The following FES variants were observed in gnomAD, a reference collection of about 807,000 sequenced individuals.
FES encodes FES proto-oncogene, tyrosine kinase.
Under a neutral mutation model 109.6 loss-of-function variants are expected in FES, and 83 were observed. The ratio of observed to expected loss-of-function variants is 0.76; its 90% confidence interval spans 0.63 to 0.91. The LOEUF is 0.91. FES is among the 40% of genes least tolerant of loss of function. FES has a pLI of 0.00. For missense variants in FES, 943 were observed against 1,070.9 expected, an observed-to-expected ratio of 0.88 and a Z score of 1.67; for synonymous variants, 458 against 442.1, an observed-to-expected ratio of 1.04 and a Z score of -0.45.
intron 12 of FES, 132 bp downstream of exon 12, chr15:90,891,808 C>T (rs984659857): frequency 2.2e-5 from 30 of 1,346,710 alleles, no homozygotes; most frequent in Admixed American, 4.3e-5. Flanking sequence ...GAGTGAGTGA[C>T]CCTCAGGGCC....
At chr15:90,894,747 CAGAG>C (rs1555432574) in intron 18 of FES, among the ~76,000 whole-genome samples, 32 of 151,056 alleles carry the variant, frequency 2.1e-4, no homozygotes, top group Admixed American at 1.4e-3. Context: ...ACCTGGGTGA[CAGAG>C]AGAGAGAGAG....
In FES at chr15:90,893,318, C is replaced by T. The variant is rs368081376; in HGVS notation, c.1949C>T (p.Thr650Met). ...QGGDFLTFLR[T>M]EGARLRVKTL... ...GGCGACTTCCTGACCTTCCTCCGCA[C>T]GGAGGGGGCCCGCCTGCGGGTGAAG... The change falls in exon 16 of 19, where the codon ACG becomes ATG. Residue 650 changes from threonine to methionine, a missense_variant. Thr to Met is a moderately conservative substitution (Grantham distance 81). Transcript: ENST00000328850. 5.6e-5 allele frequency: 87 copies of T among 1,565,360 alleles called. No individual in the cohort carries two copies. Among genetic ancestry groups the T allele is most frequent in the South Asian group, 4.8e-4 (39 of 81,508 alleles).
intron 18 of FES, among the ~76,000 whole-genome samples, chr15:90,894,984 T>C (rs929257714): frequency 3.3e-5 from 5 of 152,068 alleles, no homozygotes; most frequent in Non-Finnish European, 4.4e-5. Context: ...CAAGAATCGC[T>C]TGAACCTGGG....
intron 5 of FES, among the ~76,000 whole-genome samples, chr15:90,887,647 C>T (rs145197568): frequency 1.4e-4 from 22 of 152,322 alleles, no homozygotes; most frequent in African/African-American, 4.6e-4. Context: ...AACATCTGTC[C>T]TCAGGGATCT....
Position 90,889,876 on chromosome 15 carries a change from C to T in FES, c.963C>T (p.Thr321=), listed in dbSNP as rs746317277. 1.7e-5 allele frequency: 28 copies of T among 1,613,498 alleles called. No homozygotes were observed. The highest frequency in any genetic ancestry group is 4.4e-5 in the South Asian group (4 of 91,060). The change falls in exon 8 of 19, where the codon ACC becomes ACT. Residue 321 remains threonine (T), a synonymous_variant. Transcript: ENST00000328850. This position sits in a 1 kb window ranked among gnomAD's most constrained non-coding sequence, Gnocchi z 6.1. ...TGACAGATGAGCTGGCTGTGGCCAC[C>T]GAGATGGTGTTCAGGCGGCAGGAGA... is the stretch of plus-strand genomic sequence containing the variant. ...TSVTDELAVA[T]EMVFRRQEMV...
At chr15:90,892,977 G>C (rs1303276155) in intron 14 of FES, 123 bp from the exon 15 acceptor site, 6 of 1,328,516 alleles carry the variant, frequency 4.5e-6, no homozygotes, top group Non-Finnish European at 6.3e-6. Context: ...AAGGGTAGAG[G>C]CTGCCCCAGG....
intron 3 of FES, among the ~76,000 whole-genome samples, chr15:90,886,581 G>C (rs2032650871): frequency 6.6e-6 from 1 of 152,164 alleles, no homozygotes; most frequent in Non-Finnish European, 1.5e-5. Flanking sequence ...GAAATTGTGG[G>C]GGTCTTTGTT....
chr15:90,893,162 A>G lies in FES; in HGVS notation c.1889A>G (p.Gln630Arg). 1 of 1,614,058 alleles carries G rather than the reference A, an allele frequency of 6.2e-7. No homozygotes were observed. The highest frequency in any genetic ancestry group is 8.5e-7 in the Non-Finnish European group (1 of 1,179,980). The change falls in exon 15 of 19, where the codon CAG (glutamine) becomes CGG (arginine). Residue 630 changes from glutamine to arginine, a missense_variant. By Grantham distance (43) the Gln-to-Arg change is conservative. Coordinates refer to ENST00000328850, the MANE Select transcript of FES (RefSeq NM_002005.4). ...VRLIGVCTQK[Q>R]PIYIVMELVQ... ...CTCATTGGTGTCTGCACCCAGAAGC[A>G]GCCCATCTACATCGTCATGGAGCTT...
Position 90,894,045 on chromosome 15 carries a change from G to A in FES, c.2313G>A (p.Glu771=). The A allele has an allele frequency of 6.2e-7, 1 of 1,613,826 alleles. No homozygotes were observed. The change falls in exon 18 of 19, where the codon GAG becomes GAA. Residue 771 remains glutamate, a synonymous_variant. Coordinates refer to ENST00000328850, the MANE Select transcript of FES (RefSeq NM_002005.4). ...ACCTCAGCAATCAGCAGACACGGGA[G>A]TTTGTGGAGAAGGGTAAGCACCCTG... is the stretch of plus-strand genomic sequence containing the variant. ...YPNLSNQQTR[E]FVEKGGRLPC...
chr15:90,889,175 T>G lies in FES; in HGVS notation c.669-131T>G. 8.5e-7 allele frequency: 1 copy of G among 1,181,030 alleles called. No individual in the cohort carries two copies. The highest frequency in any genetic ancestry group is 1.5e-5 in the South Asian group (1 of 68,566). The allele number at this position is 1,181,030 out of a possible 1,614,324, so 73.2% of individuals were successfully genotyped here. On this transcript the variant is annotated intron_variant, in intron 5 of 18. Coordinates refer to ENST00000328850, the MANE Select transcript of FES (RefSeq NM_002005.4). This position sits in a 1 kb window ranked among gnomAD's most constrained non-coding sequence, Gnocchi z 6.1. ...GAGAGGTTAAATAATTTGCCTAGAG[T>G]GGCATGGCTAGCTCGAAGTGAGGCA...
At chr15:90,893,246 C>T in intron 15 of FES, 45 bp from the exon 16 acceptor site, 1 of 1,613,060 alleles carries the variant, frequency 6.2e-7, no homozygotes, top group Non-Finnish European at 8.5e-7. Flanking sequence ...GGTCAGGTGG[C>T]AGCCTTACCT....
In FES at chr15:90,894,047, T is replaced by G; in HGVS notation, c.2315T>G (p.Phe772Cys). The change falls in exon 18 of 19, where the codon TTT (phenylalanine) becomes TGT (cysteine). Residue 772 changes from phenylalanine to cysteine, a missense_variant. Phe to Cys is a radical substitution (Grantham distance 205, BLOSUM62 -2). Coordinates refer to ENST00000328850, the MANE Select transcript of FES (RefSeq NM_002005.4). Reference sequence around the variant, plus strand: ...CTCAGCAATCAGCAGACACGGGAGTTTGTGGAGAAGGGTAAGCACCCTGTG... The same window carrying G: ...CTCAGCAATCAGCAGACACGGGAGTGTGTGGAGAAGGGTAAGCACCCTGTG... The part of the protein sequence containing the change: ...PNLSNQQTRE[F>C]VEKGGRLPCP... The G allele has an allele frequency of 6.2e-7, 1 of 1,613,760 alleles. No individual in the cohort carries two copies. Among genetic ancestry groups the G allele is most frequent in the South Asian group, 1.1e-5 (1 of 91,082 alleles).
chr15:90,890,072 C>A lies in FES; in HGVS notation c.1050-20C>A. 6.5e-7 allele frequency: 1 copy of A among 1,536,018 alleles called. No individual in the cohort carries two copies. Among genetic ancestry groups the A allele is most frequent in the South Asian group, 1.2e-5 (1 of 84,632 alleles). ...CGAGCCCTTATTCTCATCCACCCTCCCACCCGCCCCTGCCTGCAGGGTGCA... is the reference window on the plus strand; with the variant it reads ...CGAGCCCTTATTCTCATCCACCCTCACACCCGCCCCTGCCTGCAGGGTGCA... On this transcript the variant is annotated intron_variant, in intron 8 of 18. Coordinates refer to ENST00000328850, the MANE Select transcript of FES (RefSeq NM_002005.4).
intron 18 of FES, 125 bp from the exon 19 acceptor site, chr15:90,895,289 GGA>G: frequency 1.3e-6 from 1 of 787,926 alleles, no homozygotes; most frequent in Middle Eastern, 2.5e-4. Flanking sequence ...GGCCCTTGGT[GGA>G]GAACAGTGCA....
chr15:90,893,515 C>T, intron 16 of FES, 101 bp downstream of exon 16: 2 of 1,495,084 alleles, frequency 1.3e-6, no homozygotes, highest in Non-Finnish European at 1.8e-6. Context: ...GCATCAGCTC[C>T]AGAGGGGGAG....
At chr15:90,885,653 C>T (rs2032531321) in intron 3 of FES, 68 bp downstream of exon 3, 1 of 1,546,658 alleles carries the variant, frequency 6.5e-7, no homozygotes, top group African/African-American at 1.4e-5. Context: ...GGTTGTTTTG[C>T]ACAAGAGGCC....
chr15:90,894,040 C>T lies in FES; in HGVS notation c.2308C>T (p.Arg770Trp), dbSNP rs2033485642. The T allele has an allele frequency of 6.2e-7, 1 of 1,613,812 alleles. No homozygotes were observed. The highest frequency in any genetic ancestry group is 1.1e-5 in the South Asian group (1 of 91,088). ...TCCCAACCTCAGCAATCAGCAGACA[C>T]GGGAGTTTGTGGAGAAGGGTAAGCA... ...PYPNLSNQQT[R>W]EFVEKGGRLP... Residue 770 changes from arginine (R) to tryptophan (W), a missense_variant, in exon 18 of 19, where the codon CGG (arginine) becomes TGG (tryptophan). Arg to Trp is a moderately radical substitution (Grantham distance 101). Transcript: ENST00000328850.
At chr15:90,888,395 C>T (rs1247403753) in intron 5 of FES, among the ~76,000 whole-genome samples, 2 of 152,262 alleles carry the variant, frequency 1.3e-5, no homozygotes, top group Non-Finnish European at 2.9e-5. Context: ...GCATGAGCCA[C>T]CATGCCCAGC....
At position 90,889,273 on chromosome 15, in the gene FES, C is replaced by T. The variant is rs756777374; in HGVS notation, c.669-33C>T. 1 of 1,610,102 alleles carries T rather than the reference C, an allele frequency of 6.2e-7. No homozygotes were observed. The highest frequency in any genetic ancestry group is 8.5e-7 in the Non-Finnish European group (1 of 1,178,546). ...CTGCCCAGCCTTGCCCAGCCTGAGG[C>T]TCCCCTGACTGGGGATCCCGTCTCG... is the stretch of plus-strand genomic sequence containing the variant. On this transcript the variant is annotated intron_variant, in intron 5 of 18. Transcript: ENST00000328850. The surrounding 1 kb of genome is among the most constrained non-coding windows in gnomAD (Gnocchi z 6.1).
Sources: gnomAD v4.1 joint callset for allele counts (sites outside exome capture counted in the v4.1 genomes callset) on GRCh38, gnomAD v4.1.1 for gene constraint, Gnocchi (gnomAD v3.1) non-coding constraint, MANE v1.5 for transcripts, NCBI Gene and HGNC (gene_info 2026-07-23, HGNC 2026-07-21) for gene names.